The following DGKB variants were observed in gnomAD, a reference collection of about 807,000 sequenced individuals.
DGKB encodes 90 kDa diacylglycerol kinase.
DGKB carries 67 observed loss-of-function variants against 114.3 expected under a neutral mutation model. The observed-to-expected ratio is 0.59, with a 90% CI of 0.48 to 0.72. The LOEUF is 0.72. Among genes scored for constraint, DGKB ranks in the 30% least tolerant of loss-of-function variants. The probability of loss-of-function intolerance (pLI) is 0.00; values close to 1 mark genes in which losing one functional copy is unlikely to be tolerated. For synonymous variants in DGKB, 398 were observed against 323.1 expected (o/e 1.23, Z -2.49); for missense variants, 907 against 975.2 (o/e 0.93, Z 0.93).
chr7:14,695,995 AATAATGCT>A (rs1276520782), intron 8 of DGKB, among the ~76,000 whole-genome samples: 1 of 152,094 alleles, frequency 6.6e-6, no homozygotes, highest in Non-Finnish European at 1.5e-5. Context: ...ACACATGTCA[AATAATGCT>A]ATAGTTTATT....
At chr7:14,324,261 C>T (rs1808339514) in intron 23 of DGKB, among the ~76,000 whole-genome samples, 1 of 151,874 alleles carries the variant, frequency 6.6e-6, no homozygotes, top group African/African-American at 2.4e-5. Context: ...CCAGTCTGGC[C>T]AACATGGTGA....
rs937629549 is a variant in DGKB, at chr7:14,145,738, T to G, written c.*3393A>C. 7.2e-5 allele frequency: 11 copies of G among 152,228 alleles called. No homozygotes were observed. Among genetic ancestry groups the G allele is most frequent in the African/African-American group, 2.7e-4 (11 of 41,454 alleles). The allele number at this position is 152,228 out of a possible 1,614,324, so 9.4% of individuals were successfully genotyped here. On this transcript the variant is annotated 3_prime_UTR_variant, in exon 26 of 26. Coordinates refer to ENST00000402815, the MANE Select transcript of DGKB (RefSeq NM_001350709.2). ...TCCCAAAGTGCTGGGATTACAGGCG[T>G]AAGCCATTGCGCCTGGCCACATTTT...
At chr7:14,505,921 T>A (rs751265470) in intron 20 of DGKB, among the ~76,000 whole-genome samples, 45 of 152,256 alleles carry the variant, frequency 3.0e-4, no homozygotes, top group Middle Eastern at 3.4e-3. Context: ...AGTAGTGTAA[T>A]AAAAAATGTT....
intron 25 of DGKB, among the ~76,000 whole-genome samples, chr7:14,151,942 G>A (rs1341477181): frequency 2.0e-5 from 3 of 151,936 alleles, no homozygotes; most frequent in East Asian, 1.9e-4. Flanking sequence ...ATGGATTGTC[G>A]GTGTCACAGT....
intron 17 of DGKB, among the ~76,000 whole-genome samples, chr7:14,597,289 CAAG>C (rs1486548117): frequency 6.6e-6 from 1 of 152,024 alleles, no homozygotes; most frequent in Non-Finnish European, 1.5e-5. Context: ...CATGACTCAT[CAAG>C]AAGAGATAAG....
chr7:14,506,020 T>C (rs535908296), intron 20 of DGKB, among the ~76,000 whole-genome samples: 1 of 152,174 alleles, frequency 6.6e-6, no homozygotes, highest in Non-Finnish European at 1.5e-5. Flanking sequence ...ATGGCATTCA[T>C]TGTTAAATGT....
At chr7:14,361,600 G>T (rs2128631149) in intron 21 of DGKB, among the ~76,000 whole-genome samples, 1 of 151,976 alleles carries the variant, frequency 6.6e-6, no homozygotes, top group Non-Finnish European at 1.5e-5. Context: ...GTCATTTGGG[G>T]ATTAATCATT....
intron 23 of DGKB, among the ~76,000 whole-genome samples, chr7:14,189,273 A>G (rs1783953481): frequency 6.6e-6 from 1 of 152,166 alleles, no homozygotes; most frequent in African/African-American, 2.4e-5. Flanking sequence ...AAAAGTATAA[A>G]TTTTAGGGGG....
intron 13 of DGKB, among the ~76,000 whole-genome samples, chr7:14,664,867 T>C (rs1563841790): frequency 6.6e-6 from 1 of 150,792 alleles, no homozygotes; most frequent in Non-Finnish European, 1.5e-5. Flanking sequence ...TTGTCTTTAG[T>C]AAAAATTAAG....
intron 20 of DGKB, among the ~76,000 whole-genome samples, chr7:14,565,941 C>A (rs1797321918): frequency 6.6e-6 from 1 of 152,018 alleles, no homozygotes; most frequent in African/African-American, 2.4e-5. Context: ...TATATTGAAT[C>A]TGAATATTGT....
At chr7:14,587,258 C>T (rs1038391056) in intron 17 of DGKB, among the ~76,000 whole-genome samples, 1 of 152,008 alleles carries the variant, frequency 6.6e-6, no homozygotes, top group African/African-American at 2.4e-5. Context: ...TGGAGGAAGT[C>T]GCTGCAGATG....
chr7:14,194,050 A>G (rs1306835003), intron 23 of DGKB, among the ~76,000 whole-genome samples: 1 of 152,162 alleles, frequency 6.6e-6, no homozygotes, highest in East Asian at 1.9e-4. Context: ...AAAGAAATCA[A>G]GTGCTGGTAA....
In DGKB at chr7:14,685,276, A is replaced by T; in HGVS notation, c.798T>A (p.Ile266=). ...AGCAGAGGCCCTGCTTCCCCACGCC[A>T]ATCAGCATGTTCAGGCAAAGGTTGC... is the stretch of plus-strand genomic sequence containing the variant. ...AYCNLCLNML[I]GVGKQGLCCS... Residue 266 remains isoleucine (I), a synonymous_variant, in exon 10 of 26, where the codon ATT becomes ATA. Coordinates refer to ENST00000402815, the MANE Select transcript of DGKB (RefSeq NM_001350709.2). 2.5e-6 allele frequency: 4 copies of T among 1,613,768 alleles called. No homozygotes were observed. The highest frequency in any genetic ancestry group is 3.4e-6 in the Non-Finnish European group (4 of 1,179,700).
At chr7:14,815,952 G>A (rs991690972) in intron 2 of DGKB, among the ~76,000 whole-genome samples, 2 of 152,234 alleles carry the variant, frequency 1.3e-5, no homozygotes, top group Middle Eastern at 3.4e-3. Flanking sequence ...AAATGTAAAT[G>A]GCTCACGCTG....
chr7:14,345,400 GA>G lies in DGKB; in HGVS notation c.1836-10del. 6.9e-7 allele frequency: 1 copy of G among 1,450,178 alleles called. No individual in the cohort carries two copies. The highest frequency in any genetic ancestry group is 9.4e-7 in the Non-Finnish European group (1 of 1,062,966). 89.8% of individuals were successfully genotyped at this position (1,450,178 alleles called of 1,614,324 possible). ...AAAATTTGTTCTTCATTCTGAAAAA[GA>G]AAAGGAAGAAGCACCTTAGGCAATT... is the stretch of plus-strand genomic sequence containing the variant. On this transcript the variant is annotated splice_polypyrimidine_tract_variant and intron_variant, in intron 21 of 25. Coordinates refer to ENST00000402815, the MANE Select transcript of DGKB (RefSeq NM_001350709.2).
chr7:14,661,097 G>C (rs4436015), intron 13 of DGKB, among the ~76,000 whole-genome samples: 1 of 151,428 alleles, frequency 6.6e-6, no homozygotes, highest in Non-Finnish European at 1.5e-5. Flanking sequence ...AAACCACAAA[G>C]ACCCTAGAAG....
At chr7:14,830,333 A>G (rs1045410686) in intron 2 of DGKB, among the ~76,000 whole-genome samples, 28 of 151,684 alleles carry the variant, frequency 1.8e-4, no homozygotes, top group African/African-American at 6.5e-4. Context: ...CCTTCTAACC[A>G]AGGCAGAGCT....
chr7:14,523,718 A>G (rs1790166182), intron 20 of DGKB, among the ~76,000 whole-genome samples: 1 of 152,172 alleles, frequency 6.6e-6, no homozygotes, highest in Non-Finnish European at 1.5e-5. Flanking sequence ...AACAATAATG[A>G]GGTATATGGA....
intron 1 of DGKB, among the ~76,000 whole-genome samples, chr7:14,946,869 T>C (rs969476951): frequency 4.6e-5 from 7 of 151,798 alleles, no homozygotes; most frequent in African/African-American, 1.4e-4. Flanking sequence ...ATATTTGACA[T>C]TGTATAATCC....
Sources: gnomAD v4.1 joint callset for allele counts (sites outside exome capture counted in the v4.1 genomes callset) on GRCh38, gnomAD v4.1.1 for gene constraint, MANE v1.5 for transcripts, NCBI Gene and HGNC (gene_info 2026-07-23, HGNC 2026-07-21) for gene names.